Variants in OLFML1 observed in about 807,000 individuals in gnomAD.
OLFML1 encodes olfactomedin like 1, also known as olfactomedin-like protein 1.
In OLFML1, 33 loss-of-function variants were observed where a neutral mutation model predicts 37.3. That is an observed-to-expected ratio of 0.88 (90% confidence interval 0.67 to 1.18). The LOEUF is 1.18. OLFML1 is among the 50% of genes most tolerant of loss of function. OLFML1 has a pLI of 0.00. For missense variants in OLFML1, 545 were observed against 483.7 expected (o/e 1.13, Z -1.19); for synonymous variants, 186 against 181.3 (o/e 1.03, Z -0.21).
intron 2 of OLFML1, among the ~76,000 whole-genome samples, chr11:7,497,772 G>T (rs1375748991): frequency 6.6e-6 from 1 of 152,190 alleles, no homozygotes; most frequent in Non-Finnish European, 1.5e-5. Context: ...AAAAACCTAT[G>T]ATACGGATTT....
intron 2 of OLFML1, among the ~76,000 whole-genome samples, chr11:7,508,427 T>C (rs1848811470): frequency 6.6e-6 from 1 of 152,244 alleles, no homozygotes; most frequent in Non-Finnish European, 1.5e-5. Context: ...TCTGGAATGC[T>C]TCTCCACTCC....
chr11:7,497,304 C>G (rs191257970), intron 2 of OLFML1, among the ~76,000 whole-genome samples: 1 of 152,168 alleles, frequency 6.6e-6, no homozygotes, highest in African/African-American at 2.4e-5. Context: ...TAAGACAAAG[C>G]CCCTGCTTTT....
rs988099550 is a variant in OLFML1, at chr11:7,511,099, T to G, written c.*911T>G. 2 of 152,242 alleles carry G rather than the reference T, an allele frequency of 1.3e-5. No individual in the cohort carries two copies. Among genetic ancestry groups the G allele is most frequent in the African/African-American group, 4.8e-5 (2 of 41,450 alleles). The allele number at this position is 152,242 out of a possible 1,614,324, so 9.4% of individuals were successfully genotyped here. A position where few individuals can be genotyped will look rare whatever the true frequency, so the allele number is the denominator to read the frequency against. ...TGCCCAAGGAAGCATCAAATACGTATGTTTGTTCACCTACTCTTATAGTCA... is the reference window on the plus strand; with the variant it reads ...TGCCCAAGGAAGCATCAAATACGTAGGTTTGTTCACCTACTCTTATAGTCA... On this transcript the variant is annotated 3_prime_UTR_variant, in exon 3 of 3. Transcript: ENST00000329293.
intron 2 of OLFML1, among the ~76,000 whole-genome samples, chr11:7,508,383 T>TA (rs761849050): frequency 3.3e-5 from 5 of 152,212 alleles, no homozygotes; most frequent in Non-Finnish European, 7.3e-5. Context: ...TACCTAATCT[T>TA]AGAGTACTTT....
At position 7,509,742 on chromosome 11, in the gene OLFML1, G is replaced by C. The variant is rs145126964; in HGVS notation, c.763G>C (p.Gly255Arg). The change falls in exon 3 of 3, where the codon GGG becomes CGG. Residue 255 changes from glycine to arginine, a missense_variant. Gly to Arg is a moderately radical substitution (Grantham distance 125). Coordinates refer to ENST00000329293, the MANE Select transcript of OLFML1 (RefSeq NM_198474.4). ...TVEDRMLLPGGVGRALVYQHS... is the reference protein window; with the variant it reads ...TVEDRMLLPGRVGRALVYQHS... Reference sequence around the variant, plus strand: ...GGAAGATCGAATGCTGCTCCCAGGAGGGGTAGGCCGAGCATTGGTTTACCA... The same window carrying C: ...GGAAGATCGAATGCTGCTCCCAGGACGGGTAGGCCGAGCATTGGTTTACCA... 564 of 1,614,232 alleles carry C rather than the reference G, an allele frequency of 3.5e-4. 1 individual carries two copies. Among genetic ancestry groups the C allele is most frequent in the Admixed American group, 2.0e-3 (121 of 60,036 alleles).
chr11:7,507,150 T>G (rs908161338), intron 2 of OLFML1, among the ~76,000 whole-genome samples: 1 of 152,230 alleles, frequency 6.6e-6, no homozygotes, highest in African/African-American at 2.4e-5. Flanking sequence ...GAAGAGTTTT[T>G]GCTGTAGGTG....
intron 2 of OLFML1, among the ~76,000 whole-genome samples, chr11:7,497,055 G>C (rs1848670863): frequency 6.6e-6 from 1 of 152,094 alleles, no homozygotes; most frequent in Non-Finnish European, 1.5e-5. Flanking sequence ...CCAGAGGATG[G>C]CCCATTTTCA....
At chr11:7,494,512 T>C (rs1164323770) in intron 2 of OLFML1, among the ~76,000 whole-genome samples, 1 of 152,258 alleles carries the variant, frequency 6.6e-6, no homozygotes, top group Non-Finnish European at 1.5e-5. Context: ...ATAGGTTATT[T>C]GTCCAAGGTC....
intron 2 of OLFML1, among the ~76,000 whole-genome samples, chr11:7,504,509 G>A (rs1590062900): frequency 2.0e-5 from 3 of 152,210 alleles, no homozygotes; most frequent in Admixed American, 2.0e-4. Context: ...GCTGCTGTGG[G>A]AATTGGACTA....
At chr11:7,502,317 G>C (rs1344765183) in intron 2 of OLFML1, among the ~76,000 whole-genome samples, 2 of 152,234 alleles carry the variant, frequency 1.3e-5, no homozygotes, top group African/African-American at 2.4e-5. Flanking sequence ...ACATTATGTA[G>C]ATTCCTTAGG....
At chr11:7,487,995 G>T in intron 1 of OLFML1, 132 bp from the exon 2 acceptor site, 1 of 638,174 alleles carries the variant, frequency 1.6e-6, no homozygotes, top group Non-Finnish European at 2.6e-6. Flanking sequence ...TAGGAATTAT[G>T]GGAGATTTCA....
intron 2 of OLFML1, among the ~76,000 whole-genome samples, chr11:7,507,900 C>G (rs1848804323): frequency 3.3e-5 from 5 of 152,140 alleles, no homozygotes. Context: ...CTGCTGTTGA[C>G]CAGAAGACTG....
rs987576735 is a variant in OLFML1, at chr11:7,489,254, T to C, written c.418+839T>C. 3.9e-5 allele frequency among the ~76,000 whole-genome samples: 6 copies of C among 152,292 alleles called. No individual in the cohort carries two copies. In the South Asian group the frequency reaches 6.2e-4, roughly 16 times the overall value. ...CAATGTAATCCTTCTAAGAACTTCA[T>C]GGTCACTATAAGGAAAAGGGTCTTC... On this transcript the variant is annotated intron_variant, in intron 2 of 2. Coordinates refer to ENST00000329293, the MANE Select transcript of OLFML1 (RefSeq NM_198474.4).
At chr11:7,505,871 C>A (rs941244163) in intron 2 of OLFML1, among the ~76,000 whole-genome samples, 1 of 152,052 alleles carries the variant, frequency 6.6e-6, no homozygotes, top group Non-Finnish European at 1.5e-5. Context: ...AACTGATGAC[C>A]GACTTATCTT....
intron 2 of OLFML1, 52 bp downstream of exon 2, chr11:7,488,467 AACAC>A: frequency 7.0e-7 from 1 of 1,429,192 alleles, no homozygotes; most frequent in Non-Finnish European, 9.5e-7. Flanking sequence ...TATGCTCAGA[AACAC>A]ACAGACTCAG....
At chr11:7,488,925 GATCC>G (rs762295127) in intron 2 of OLFML1, 2 of 152,930 alleles carry the variant, frequency 1.3e-5, no homozygotes, top group Non-Finnish European at 2.9e-5. Flanking sequence ...CTAATCTTGT[GATCC>G]ATCAGAATCA....
chr11:7,489,541 T>C lies in OLFML1; in HGVS notation c.418+1126T>C, dbSNP rs185960852. Among the ~76,000 whole-genome samples, 582 of 151,672 alleles carry C rather than the reference T, an allele frequency of 3.8e-3. 20 individuals are homozygous for C. Among genetic ancestry groups the C allele is most frequent in the Admixed American group, 0.027 (410 of 15,178 alleles). ...AAGTTGAAGCTCACTGGAGAAACTA[T>C]AGAGAACCATTGAGCAATTTTAAAC... On this transcript the variant is annotated intron_variant, in intron 2 of 2. Coordinates refer to ENST00000329293, the MANE Select transcript of OLFML1 (RefSeq NM_198474.4).
chr11:7,509,755 C>T lies in OLFML1; in HGVS notation c.776C>T (p.Ala259Val), dbSNP rs1180915862. ...RMLLPGGVGR[A>V]LVYQHSPSTY... The stretch of plus-strand genomic sequence containing the variant: ...CTGCTCCCAGGAGGGGTAGGCCGAG[C>T]ATTGGTTTACCAGCACTCCCCCTCA... The change falls in exon 3 of 3, where the codon GCA becomes GTA. Residue 259 changes from alanine (A) to valine (V), a missense_variant. By Grantham distance (64) the Ala-to-Val change is moderately conservative. Coordinates refer to ENST00000329293, the MANE Select transcript of OLFML1 (RefSeq NM_198474.4). The T allele has an allele frequency of 4.3e-6, 7 of 1,614,228 alleles. No individual in the cohort carries two copies. Among genetic ancestry groups the T allele is most frequent in the Non-Finnish European group, 5.9e-6 (7 of 1,180,026 alleles).
intron 2 of OLFML1, among the ~76,000 whole-genome samples, chr11:7,498,480 A>T (rs763518633): frequency 3.9e-5 from 6 of 152,230 alleles, no homozygotes; most frequent in Non-Finnish European, 7.3e-5. Flanking sequence ...GGGCAGTATC[A>T]TGAAATACCC....
Sources: allele counts gnomAD v4.1 joint callset (sites outside exome capture counted in the v4.1 genomes callset), GRCh38; gene constraint gnomAD v4.1.1; transcripts MANE v1.5; gene names NCBI Gene and HGNC (gene_info 2026-07-23, HGNC 2026-07-21).